Variants in FOXN2 observed in about 807,000 individuals in gnomAD.
FOXN2 encodes forkhead box N2, also known as forkhead box protein N2.
A neutral mutation model predicts 41.2 loss-of-function variants in FOXN2; 19 were observed. The ratio of observed to expected loss-of-function variants is 0.46; its 90% CI spans 0.32 to 0.68. The LOEUF (loss-of-function observed/expected upper bound fraction) is 0.68, where lower values mean the gene tolerates loss of function less well. Among genes scored for constraint, FOXN2 ranks in the 30% least tolerant of loss-of-function variants. FOXN2 has a pLI of 0.03. For synonymous variants in FOXN2, 195 were observed against 176.8 expected (o/e 1.10, Z -0.82); for missense variants, 587 against 509.4 (o/e 1.15, Z -1.47).
At chr2:48,343,621 G>A (rs1446428326) in intron 2 of FOXN2, among the ~76,000 whole-genome samples, 2 of 151,996 alleles carry the variant, frequency 1.3e-5, no homozygotes, top group African/African-American at 4.8e-5. Context: ...AATTAGCTGG[G>A]CATGGTGTGT....
intron 3 of FOXN2, 128 bp from the exon 4 acceptor site, chr2:48,358,919 A>T (rs967654808): frequency 1.5e-6 from 1 of 652,418 alleles, no homozygotes; most frequent in South Asian, 2.0e-5. Flanking sequence ...TAGCAAGCTC[A>T]CTTCAACCTT....
chr2:48,375,394 C>G lies in FOXN2; in HGVS notation c.1247C>G (p.Ser416Cys). The change falls in exon 7 of 7, where the codon TCC becomes TGC. Residue 416 changes from serine to cysteine, a missense_variant. Transcript: ENST00000340553. Reference protein sequence around the residue: ...HLAGIRTCLGSLISTAKTQNQ... With the variant: ...HLAGIRTCLGCLISTAKTQNQ... ...GCTGGAATTCGTACATGTTTAGGTT[C>G]CCTAATAAGTACTGCAAAGACACAA... is the stretch of plus-strand genomic sequence containing the variant. 6.2e-7 allele frequency: 1 copy of G among 1,613,424 alleles called. No individual in the cohort carries two copies. Among genetic ancestry groups the G allele is most frequent in the South Asian group, 1.1e-5 (1 of 91,036 alleles).
chr2:48,326,457 G>T (rs1025307539), intron 1 of FOXN2, among the ~76,000 whole-genome samples: 1 of 152,108 alleles, frequency 6.6e-6, no homozygotes, highest in Admixed American at 6.5e-5. Flanking sequence ...ACATTCTGCA[G>T]TATTACATTA....
At chr2:48,341,365 A>G (rs2104333898) in intron 2 of FOXN2, among the ~76,000 whole-genome samples, 1 of 152,282 alleles carries the variant, frequency 6.6e-6, no homozygotes, top group African/African-American at 2.4e-5. Context: ...TTGTAGTAAT[A>G]TTGCATATTT....
chr2:48,363,574 T>C (rs1672341074), intron 5 of FOXN2, among the ~76,000 whole-genome samples: 1 of 152,182 alleles, frequency 6.6e-6, no homozygotes, highest in African/African-American at 2.4e-5. Context: ...GCAATTCCGG[T>C]CCTTCAAGCT....
intron 1 of FOXN2, among the ~76,000 whole-genome samples, chr2:48,317,595 C>CTTTTGTTTTTT (rs1669007340): frequency 2.9e-5 from 1 of 34,712 alleles, no homozygotes; most frequent in Non-Finnish European, 5.7e-5. Flanking sequence ...TATAGTATTG[C>CTTTTGTTTTTT]TTTTTTTTTT....
At chr2:48,373,137 A>G (rs1256155026) in intron 5 of FOXN2, among the ~76,000 whole-genome samples, 155 bp from the exon 6 acceptor site, 4 of 152,170 alleles carry the variant, frequency 2.6e-5, no homozygotes, top group African/African-American at 9.7e-5. Flanking sequence ...ACTTCAGAAT[A>G]ATATATAATA....
chr2:48,338,452 A>C (rs1485978179), intron 2 of FOXN2, among the ~76,000 whole-genome samples: 1 of 150,788 alleles, frequency 6.6e-6, no homozygotes, highest in Non-Finnish European at 1.5e-5. Context: ...CCCAGGCTGG[A>C]GTGCAGTGGC....
chr2:48,334,450 T>C (rs996440355), intron 2 of FOXN2, among the ~76,000 whole-genome samples: 1 of 151,510 alleles, frequency 6.6e-6, no homozygotes, highest in Admixed American at 6.6e-5. Flanking sequence ...TAATGTACTT[T>C]AGTGACGTTG....
intron 3 of FOXN2, among the ~76,000 whole-genome samples, chr2:48,354,206 TG>T (rs769770414): frequency 3.2e-4 from 48 of 152,358 alleles, no homozygotes; most frequent in Non-Finnish European, 5.6e-4. Context: ...GAAGTGTGAA[TG>T]GCCAACAGTG....
chr2:48,329,859 T>G (rs1448726345), intron 2 of FOXN2, among the ~76,000 whole-genome samples: 2 of 152,094 alleles, frequency 1.3e-5, no homozygotes, highest in Non-Finnish European at 2.9e-5. Flanking sequence ...TACATGAGGT[T>G]TACCAGTGTT....
At position 48,362,588 on chromosome 2, in the gene FOXN2, A is replaced by G. The variant is rs892354819; in HGVS notation, c.639-55A>G. ...AGAGAACCTGTCAAAAATTAGGGGG[A>G]AAAAGTGAAGTAAACATTTTTATAA... On this transcript the variant is annotated intron_variant, in intron 4 of 6. Coordinates refer to ENST00000340553, the MANE Select transcript of FOXN2 (RefSeq NM_002158.4). 1.3e-4 allele frequency: 195 copies of G among 1,515,448 alleles called. 2 individuals are homozygous for G. The South Asian group carries it at 1.7e-3, about 13-fold the overall frequency. The allele number at this position is 1,515,448 out of a possible 1,614,324, so 93.9% of individuals were successfully genotyped here. A position where few individuals can be genotyped will look rare whatever the true frequency, so the allele number is the denominator to read the frequency against.
intron 1 of FOXN2, among the ~76,000 whole-genome samples, chr2:48,315,480 C>T (rs985258419): frequency 2.9e-4 from 44 of 152,194 alleles, no homozygotes; most frequent in Non-Finnish European, 8.8e-5. Context: ...GTCTTGGGAG[C>T]TACTGTTTCA....
At chr2:48,323,952 T>G (rs1669501633) in intron 1 of FOXN2, among the ~76,000 whole-genome samples, 1 of 152,172 alleles carries the variant, frequency 6.6e-6, no homozygotes, top group Non-Finnish European at 1.5e-5. Context: ...CTATCCAATT[T>G]AGTAGTGCTT....
intron 5 of FOXN2, among the ~76,000 whole-genome samples, chr2:48,363,008 C>G (rs1572766148): frequency 1.3e-5 from 2 of 152,108 alleles, no homozygotes; most frequent in East Asian, 3.9e-4. Flanking sequence ...ATTTACTATA[C>G]TTTTTACTGT....
chr2:48,374,272 A>G (rs1673092529), intron 6 of FOXN2, among the ~76,000 whole-genome samples: 1 of 152,178 alleles, frequency 6.6e-6, no homozygotes, highest in Non-Finnish European at 1.5e-5. Flanking sequence ...GAGGAAATAT[A>G]TGTGGGCAAT....
intron 3 of FOXN2, among the ~76,000 whole-genome samples, chr2:48,349,300 A>G (rs568152605): frequency 2.0e-4 from 30 of 152,056 alleles, no homozygotes; most frequent in African/African-American, 6.5e-4. Context: ...AGCCTGGGCA[A>G]CATGGCAAAA....
chr2:48,324,241 C>G (rs1572697671), intron 1 of FOXN2, among the ~76,000 whole-genome samples: 1 of 44,948 alleles, frequency 2.2e-5, no homozygotes, highest in East Asian at 8.6e-4. Flanking sequence ...GTCTCCCAGG[C>G]CTGGAGTACA....
At chr2:48,358,367 C>T (rs72820427) in intron 3 of FOXN2, among the ~76,000 whole-genome samples, 32,475 of 151,974 alleles carry the variant, frequency 0.21, 3,829 homozygotes, top group East Asian at 0.45. Flanking sequence ...GTGAAGTGGC[C>T]TGCATTGTTG....
Sources: gnomAD v4.1 joint callset for allele counts (sites outside exome capture counted in the v4.1 genomes callset) on GRCh38, gnomAD v4.1.1 for gene constraint, MANE v1.5 for transcripts, NCBI Gene and HGNC (gene_info 2026-07-23, HGNC 2026-07-21) for gene names.